Variants in EPB41L1 observed in about 807,000 individuals in gnomAD.
The protein encoded by EPB41L1 is band 4.1-like protein 1.
A neutral mutation model predicts 97.8 loss-of-function variants in EPB41L1; 29 were observed. The observed-to-expected ratio is 0.30, with a 90% CI of 0.22 to 0.40. The LOEUF is 0.40. Among genes scored for constraint, EPB41L1 ranks in the 10% least tolerant of loss-of-function variants. The probability of loss-of-function intolerance (pLI) is 1.00; values close to 1 mark genes in which losing one functional copy is unlikely to be tolerated. For missense variants in EPB41L1, 812 were observed against 1,162.3 expected, an observed-to-expected ratio of 0.70 and a Z score of 4.38; for synonymous variants, 383 against 459.2, an observed-to-expected ratio of 0.83 and a Z score of 2.12.
rs1247116617 is a variant in EPB41L1 at position 36,232,744 on chromosome 20, C to G, written c.*3404C>G. The stretch of plus-strand genomic sequence containing the variant: ...GTGCTCCGTGCTGTATGCGTGTGCT[C>G]TCTGTTCTTGTATACTCAATATAAG... On this transcript the variant is annotated 3_prime_UTR_variant, in exon 22 of 22. Coordinates refer to ENST00000338074, the MANE Select transcript of EPB41L1 (RefSeq NM_012156.2). 7.5e-6 allele frequency: 3 copies of G among 398,846 alleles called. No individual in the cohort carries two copies. The highest frequency in any genetic ancestry group is 1.3e-5 in the Non-Finnish European group (3 of 226,110). The allele number at this position is 398,846 out of a possible 1,614,324, so 24.7% of individuals were successfully genotyped here.
chr20:36,205,849 G>A (rs765397710), intron 14 of EPB41L1: 103 of 1,280,454 alleles, frequency 8.0e-5, no homozygotes, highest in South Asian at 1.2e-4. Flanking sequence ...TGAAACACAG[G>A]GTTCAGAGCA....
chr20:36,175,467 A>G (rs2061187627), intron 2 of EPB41L1, 84 bp from the exon 3 acceptor site: 1 of 1,534,106 alleles, frequency 6.5e-7, no homozygotes, highest in East Asian at 2.3e-5. Context: ...TTGGCCCCAG[A>G]TGCCTCTATA....
intron 21 of EPB41L1, among the ~76,000 whole-genome samples, chr20:36,225,864 A>G (rs1396771668): frequency 1.3e-5 from 2 of 152,024 alleles, no homozygotes; most frequent in East Asian, 3.9e-4. Flanking sequence ...AGTCTTTCAC[A>G]TCTGCCCACC....
chr20:36,113,167 C>A (rs567193022), intron 2 of EPB41L1, among the ~76,000 whole-genome samples: 1 of 152,228 alleles, frequency 6.6e-6, no homozygotes, highest in Non-Finnish European at 1.5e-5. Context: ...TGGCCCGGGG[C>A]GTGTCAAAGC....
At chr20:36,211,528 T>C (rs1300949524) in intron 15 of EPB41L1, among the ~76,000 whole-genome samples, 1 of 152,022 alleles carries the variant, frequency 6.6e-6, no homozygotes, top group Non-Finnish European at 1.5e-5. Context: ...CTGGATGCTG[T>C]AGGCCTCCAA....
intron 2 of EPB41L1, among the ~76,000 whole-genome samples, chr20:36,120,320 C>T (rs2058712351): frequency 6.6e-6 from 1 of 152,166 alleles, no homozygotes; most frequent in South Asian, 2.1e-4. Flanking sequence ...GGATTCAAAA[C>T]CAGAGGCTGT....
chr20:36,201,945 C>G (rs890821286), intron 14 of EPB41L1, among the ~76,000 whole-genome samples: 3 of 152,208 alleles, frequency 2.0e-5, no homozygotes, highest in African/African-American at 7.2e-5. Context: ...TTAGCTGCTG[C>G]AAACGTGCTG....
intron 14 of EPB41L1, among the ~76,000 whole-genome samples, chr20:36,203,426 G>GATA (rs915109799): frequency 7.9e-5 from 12 of 152,216 alleles, no homozygotes; most frequent in African/African-American, 2.7e-4. Context: ...ATCACTATAC[G>GATA]TTTCCCCTTT....
chr20:36,148,126 C>T (rs1374241027), intron 2 of EPB41L1, among the ~76,000 whole-genome samples: 2 of 152,146 alleles, frequency 1.3e-5, no homozygotes, highest in Admixed American at 6.5e-5. Flanking sequence ...ATGGCCAACA[C>T]ATACTATGCA....
intron 15 of EPB41L1, among the ~76,000 whole-genome samples, chr20:36,211,080 C>A (rs571269615): frequency 9.2e-5 from 14 of 151,596 alleles, no homozygotes; most frequent in African/African-American, 3.4e-4. Context: ...CTCTTAAAAA[C>A]AAAACAAAAC....
intron 1 of EPB41L1, among the ~76,000 whole-genome samples, chr20:36,170,483 G>T (rs1048787966): frequency 6.6e-6 from 1 of 152,102 alleles, no homozygotes; most frequent in Admixed American, 6.5e-5. Context: ...TCTTTTCCAT[G>T]ATTTTTTACG....
chr20:36,210,656 T>C (rs554349721), intron 15 of EPB41L1, among the ~76,000 whole-genome samples: 1 of 152,254 alleles, frequency 6.6e-6, no homozygotes, highest in South Asian at 2.1e-4. Flanking sequence ...CCTATCATGT[T>C]CCAGGACCAA....
At chr20:36,118,692 A>G (rs2058660957) in intron 2 of EPB41L1, among the ~76,000 whole-genome samples, 1 of 152,270 alleles carries the variant, frequency 6.6e-6, no homozygotes, top group Admixed American at 6.5e-5. Context: ...GGATTATATT[A>G]GAGCATGCCC....
rs2064409947 is a variant in EPB41L1 at position 36,229,822 on chromosome 20, T to G, written c.*482T>G. ...CTTCTCCAGCATCTCTAAGGCCCAC[T>G]TGAATGCAAAGGAAAACACTTGCAC... is the stretch of plus-strand genomic sequence containing the variant. On this transcript the variant is annotated 3_prime_UTR_variant, in exon 22 of 22. Transcript: ENST00000338074. 6.5e-6 allele frequency: 1 copy of G among 153,128 alleles called. No individual in the cohort carries two copies. The highest frequency in any genetic ancestry group is 2.1e-4 in the South Asian group (1 of 4,840). The allele number at this position is 153,128 out of a possible 1,614,324, so 9.5% of individuals were successfully genotyped here.
intron 5 of EPB41L1, among the ~76,000 whole-genome samples, chr20:36,180,135 G>A (rs1387431167): frequency 2.6e-5 from 4 of 152,198 alleles, no homozygotes; most frequent in African/African-American, 9.7e-5. Context: ...CCAAGTCATC[G>A]AGTAAGTCTT....
At chr20:36,218,829 G>T (rs764028192) in intron 17 of EPB41L1, 47 bp from the exon 18 acceptor site, 4 of 1,586,582 alleles carry the variant, frequency 2.5e-6, no homozygotes, top group South Asian at 1.1e-5. Context: ...CATCCTGGGG[G>T]CCCACCCGGC....
rs1210227028 is a variant in EPB41L1 at position 36,155,116 on chromosome 20, GC to G, written c.-15+221del. ...GAGAGGATCCGGAGGCTGGGGGTTGGCGGGGGGTTGGTCCTGCTGTAGGATG... is the reference window on the plus strand; with the variant it reads ...GAGAGGATCCGGAGGCTGGGGGTTGGGGGGGGTTGGTCCTGCTGTAGGATG... On this transcript the variant is annotated intron_variant, in intron 1 of 21. Coordinates refer to ENST00000338074, the MANE Select transcript of EPB41L1 (RefSeq NM_012156.2). 6.1e-6 allele frequency: 3 copies of G among 489,320 alleles called. No homozygotes were observed. In the Admixed American group the frequency reaches 7.0e-5, roughly 11 times the overall value. The allele number at this position is 489,320 out of a possible 1,614,324, so 30.3% of individuals were successfully genotyped here. A position where few individuals can be genotyped will look rare whatever the true frequency, so the allele number is the denominator to read the frequency against.
chr20:36,101,504 T>C (rs2058016160), intron 1 of EPB41L1, among the ~76,000 whole-genome samples: 1 of 152,034 alleles, frequency 6.6e-6, no homozygotes, highest in Admixed American at 6.5e-5. Context: ...GAAGGGACCT[T>C]GGTGAAGGAG....
intron 1 of EPB41L1, among the ~76,000 whole-genome samples, chr20:36,157,744 A>G (rs1242056414): frequency 6.6e-6 from 1 of 152,210 alleles, no homozygotes; most frequent in Non-Finnish European, 1.5e-5. Flanking sequence ...CTTCCTGGCC[A>G]GGGTCCCCCA....
Sources: gnomAD v4.1 joint callset for allele counts (sites outside exome capture counted in the v4.1 genomes callset) on GRCh38, gnomAD v4.1.1 for gene constraint, MANE v1.5 for transcripts, NCBI Gene and HGNC (gene_info 2026-07-23, HGNC 2026-07-21) for gene names.